The following SAMSN1 variants were observed in gnomAD, a reference collection of about 807,000 sequenced individuals.
SAMSN1 encodes SAM domain-containing protein SAMSN-1.
A neutral mutation model predicts 42.0 loss-of-function variants in SAMSN1; 31 were observed. The ratio of observed to expected loss-of-function variants is 0.74; its 90% confidence interval spans 0.55 to 1.00. The LOEUF (loss-of-function observed/expected upper bound fraction) is 1.00. Among genes scored for constraint, SAMSN1 ranks in the 50% least tolerant of loss-of-function variants. The probability of loss-of-function intolerance (pLI) is 0.00; values close to 1 mark genes in which losing one functional copy is unlikely to be tolerated. For missense variants in SAMSN1, 464 were observed against 439.4 expected (o/e 1.06, Z -0.50); for synonymous variants, 178 against 151.9 (o/e 1.17, Z -1.26).
chr21:14,502,177 G>A (rs1460055288), intron 5 of SAMSN1, among the ~76,000 whole-genome samples: 1 of 152,116 alleles, frequency 6.6e-6, no homozygotes, highest in Non-Finnish European at 1.5e-5. Context: ...AATTTTACTT[G>A]TAATGGTATA....
intron 1 of SAMSN1, among the ~76,000 whole-genome samples, chr21:14,650,095 G>C (rs6516928): frequency 6.6e-6 from 1 of 151,984 alleles, no homozygotes. Flanking sequence ...ATAATAGCTA[G>C]AGACTTTAAC....
intron 2 of SAMSN1, among the ~76,000 whole-genome samples, chr21:14,634,622 C>A (rs1983419239): frequency 6.6e-6 from 1 of 152,150 alleles, no homozygotes; most frequent in Non-Finnish European, 1.5e-5. Flanking sequence ...GAGATACCAT[C>A]TCACACCAGT....
chr21:14,494,756 G>A (rs907499541), intron 7 of SAMSN1, among the ~76,000 whole-genome samples: 1 of 151,642 alleles, frequency 6.6e-6, no homozygotes, highest in African/African-American at 2.4e-5. Context: ...AGGTCAAAGT[G>A]GGTACAATGC....
rs575242722 is a variant in SAMSN1 at position 14,544,693 on chromosome 21, T to A, written c.57+1512A>T. On this transcript the variant is annotated intron_variant, in intron 1 of 7. Coordinates refer to ENST00000400566, the MANE Select transcript of SAMSN1 (RefSeq NM_022136.5). ...TATTTTATGAATAAGGAAGTCAAGA[T>A]TAACAATATTCCAAGTGTATTATAA... is the stretch of plus-strand genomic sequence containing the variant. Among the ~76,000 whole-genome samples the A allele has an allele frequency of 2.2e-4, 33 of 152,296 alleles. No homozygotes were observed. The East Asian group carries it at 6.0e-3, about 28-fold the overall frequency.
chr21:14,647,794 T>G (rs1180185075), intron 1 of SAMSN1, among the ~76,000 whole-genome samples: 1 of 139,440 alleles, frequency 7.2e-6, no homozygotes, highest in Non-Finnish European at 1.6e-5. Flanking sequence ...GTTTGTCTGT[T>G]GTTGGTGTAT....
intron 2 of SAMSN1, among the ~76,000 whole-genome samples, chr21:14,629,364 A>G (rs1983264130): frequency 6.6e-6 from 1 of 152,222 alleles, no homozygotes; most frequent in South Asian, 2.1e-4. Context: ...CGGACACTTC[A>G]GGAACCAATG....
chr21:14,582,481 TTCA>T lies in SAMSN1; in HGVS notation c.-88_-86del, dbSNP rs763591602. The T allele has an allele frequency of 4.6e-5, 52 of 1,121,466 alleles. No individual in the cohort carries two copies. The East Asian group carries it at 9.8e-4, about 21-fold the overall frequency. 69.5% of individuals were successfully genotyped at this position (1,121,466 alleles called of 1,614,324 possible). On this transcript the variant is annotated 5_prime_UTR_variant, in exon 2 of 9. Coordinates refer to the SAMSN1 transcript ENST00000285670. ...TCAAACAAGAAATCAACGTGTCATC[TTCA>T]TCTTCTGAATGACAAAGAAATAGGT...
At position 14,553,256 on chromosome 21, in the gene SAMSN1, T is replaced by C. The variant is rs2123182078; in HGVS notation, c.261+28880A>G. ...TAAATAATATTATTCATGGCTGAGT[T>C]AAATATTGTTTAATGCTTTATGTTC... is the stretch of plus-strand genomic sequence containing the variant. On this transcript the variant is annotated intron_variant, in intron 2 of 8. Coordinates refer to the SAMSN1 transcript ENST00000285670. Among the ~76,000 whole-genome samples the C allele has an allele frequency of 2.0e-5, 3 of 152,260 alleles. No individual in the cohort carries two copies. The South Asian group carries it at 6.2e-4, about 32-fold the overall frequency.
chr21:14,517,915 G>A (rs1433180036), intron 2 of SAMSN1, among the ~76,000 whole-genome samples: 2 of 152,086 alleles, frequency 1.3e-5, no homozygotes, highest in African/African-American at 4.8e-5. Context: ...TCGCTCACTA[G>A]ATCAGTGGTT....
intron 1 of SAMSN1, among the ~76,000 whole-genome samples, chr21:14,530,799 T>C (rs1049884256): frequency 1.3e-5 from 2 of 152,194 alleles, no homozygotes; most frequent in African/African-American, 2.4e-5. Flanking sequence ...ATTTGCCACC[T>C]CTACTCAAAT....
chr21:14,499,914 A>C (rs966422428), intron 6 of SAMSN1, among the ~76,000 whole-genome samples: 3 of 152,198 alleles, frequency 2.0e-5, no homozygotes, highest in Non-Finnish European at 4.4e-5. Flanking sequence ...CAAAACTGTA[A>C]ATTCATTGAT....
chr21:14,586,906 A>T (rs897312488), upstream of SAMSN1, among the ~76,000 whole-genome samples: 4 of 152,202 alleles, frequency 2.6e-5, no homozygotes, highest in African/African-American at 9.7e-5. Flanking sequence ...ACAGTTTGCA[A>T]AGGTTCTAAA....
At chr21:14,551,980 C>A (rs1980611452) in intron 2 of SAMSN1, among the ~76,000 whole-genome samples, 1 of 152,016 alleles carries the variant, frequency 6.6e-6, no homozygotes, top group South Asian at 2.1e-4. Flanking sequence ...CTGTTCGGGT[C>A]AGGAATGCTA....
chr21:14,532,742 G>A (rs1398215387), intron 1 of SAMSN1, among the ~76,000 whole-genome samples: 1 of 152,064 alleles, frequency 6.6e-6, no homozygotes, highest in Non-Finnish European at 1.5e-5. Context: ...TAAATACAGT[G>A]AGATAGTCAT....
At chr21:14,562,249 A>G (rs1161092347) in intron 2 of SAMSN1, among the ~76,000 whole-genome samples, 1 of 152,226 alleles carries the variant, frequency 6.6e-6, no homozygotes, top group Non-Finnish European at 1.5e-5. Flanking sequence ...TGGGAAATAG[A>G]GAGATATACC....
chr21:14,582,638 T>C (rs1007302252), intron 1 of SAMSN1: 7 of 426,350 alleles, frequency 1.6e-5, no homozygotes, highest in African/African-American at 2.0e-5. Context: ...GCAGCATTTA[T>C]TTAAAAAGCA....
At chr21:14,652,038 G>T (rs1332172137) in intron 1 of SAMSN1, among the ~76,000 whole-genome samples, 1 of 151,928 alleles carries the variant, frequency 6.6e-6, no homozygotes, top group Non-Finnish European at 1.5e-5. Flanking sequence ...ATGAAAAATA[G>T]TTTATGTTCA....
chr21:14,552,526 A>G (rs1980634488), intron 2 of SAMSN1, among the ~76,000 whole-genome samples: 1 of 152,130 alleles, frequency 6.6e-6, no homozygotes, highest in Admixed American at 6.6e-5. Flanking sequence ...AGACATAGCA[A>G]GAAGGTGCCA....
chr21:14,607,062 A>C (rs994042195), intron 5 of SAMSN1, among the ~76,000 whole-genome samples: 2 of 152,208 alleles, frequency 1.3e-5, no homozygotes, highest in African/African-American at 4.8e-5. Context: ...TTAGGAGTTA[A>C]TGTCACTCCT....
Sources: allele counts gnomAD v4.1 joint callset (sites outside exome capture counted in the v4.1 genomes callset), GRCh38; gene constraint gnomAD v4.1.1; transcripts MANE v1.5; gene names NCBI Gene and HGNC (gene_info 2026-07-23, HGNC 2026-07-21).